CTNNA2: variants seen among roughly 807,000 people sequenced by gnomAD.
CTNNA2 encodes catenin alpha-2.
CTNNA2 carries 42 observed loss-of-function variants against 101.0 expected under a neutral mutation model. That is an observed-to-expected ratio of 0.42 (90% CI 0.32 to 0.54). CTNNA2 has a LOEUF of 0.54. CTNNA2 is among the 20% of genes least tolerant of loss of function. CTNNA2 has a pLI of 0.14. For synonymous variants in CTNNA2, 450 were observed against 456.4 expected (o/e 0.99, Z 0.18); for missense variants, 871 against 1,223.1 (o/e 0.71, Z 4.29).
At chr2:80,261,148 T>C (rs1162456202) in intron 7 of CTNNA2, among the ~76,000 whole-genome samples, 1 of 152,174 alleles carries the variant, frequency 6.6e-6, no homozygotes, top group East Asian at 1.9e-4. Context: ...TGCTTCCCGG[T>C]TCATACATAA....
intron 4 of CTNNA2, among the ~76,000 whole-genome samples, chr2:79,489,069 C>G (rs903924982): frequency 6.6e-6 from 1 of 152,112 alleles, no homozygotes; most frequent in Admixed American, 6.6e-5. Context: ...ACTTTCGGCT[C>G]TCTTTGTATT....
At chr2:79,271,971 C>T (rs1335143540) in intron 2 of CTNNA2, among the ~76,000 whole-genome samples, 2 of 152,014 alleles carry the variant, frequency 1.3e-5, no homozygotes, top group Admixed American at 6.6e-5. Flanking sequence ...ATCAAAACTG[C>T]CCTGAACCCA....
At chr2:79,317,504 A>G (rs1226557397) in intron 3 of CTNNA2, among the ~76,000 whole-genome samples, 1 of 152,028 alleles carries the variant, frequency 6.6e-6, no homozygotes, top group Non-Finnish European at 1.5e-5. Flanking sequence ...AAAGCCAAAG[A>G]CTTACATACT....
intron 13 of CTNNA2, among the ~76,000 whole-genome samples, chr2:80,575,798 A>G (rs1694991583): frequency 6.6e-6 from 1 of 152,172 alleles, no homozygotes; most frequent in Non-Finnish European, 1.5e-5. Context: ...ATACACACAC[A>G]CAATTTTAGA....
At chr2:80,389,328 TA>T (rs55752102) in intron 7 of CTNNA2, among the ~76,000 whole-genome samples, 24,633 of 151,414 alleles carry the variant, frequency 0.16, 2,392 homozygotes, top group African/African-American at 0.28. Context: ...CTCAGACTTT[TA>T]AAAAAAAATG....
intron 7 of CTNNA2, chr2:80,305,221 A>T: frequency 4.3e-5 from 42 of 985,348 alleles, no homozygotes; most frequent in Non-Finnish European, 4.8e-5. Flanking sequence ...TTCTGCAGTC[A>T]GCCAGCCCTT....
chr2:79,966,709 CA>C (rs1370118704), intron 7 of CTNNA2, among the ~76,000 whole-genome samples: 1 of 152,206 alleles, frequency 6.6e-6, no homozygotes, highest in Non-Finnish European at 1.5e-5. Flanking sequence ...TTGCTCTTTT[CA>C]AAGCATCAGT....
chr2:80,517,468 G>A (rs1689191977), intron 9 of CTNNA2, among the ~76,000 whole-genome samples: 1 of 152,052 alleles, frequency 6.6e-6, no homozygotes, highest in Non-Finnish European at 1.5e-5. Context: ...GTTGCCCTGG[G>A]GCCCAGCTGT....
chr2:79,699,144 G>A lies in CTNNA2; in HGVS notation c.103-45243G>A, dbSNP rs1422649318. On this transcript the variant is annotated intron_variant, in intron 2 of 18. Coordinates refer to ENST00000402739, the MANE Select transcript of CTNNA2 (RefSeq NM_001282597.3). ...AGCCACCTTTCCCATATGCCTGTAG[G>A]ACATACTGACAAGCTAGTTTTCATA... Among the ~76,000 whole-genome samples, 3 of 152,008 alleles carry A rather than the reference G, an allele frequency of 2.0e-5. No individual in the cohort carries two copies. The East Asian group carries it at 5.8e-4, about 29-fold the overall frequency.
intron 3 of CTNNA2, among the ~76,000 whole-genome samples, chr2:79,801,403 G>A (rs1574002738): frequency 6.6e-6 from 1 of 152,180 alleles, no homozygotes; most frequent in Non-Finnish European, 1.5e-5. Flanking sequence ...GATCGTTTAT[G>A]TGCTAATTAA....
chr2:79,314,234 G>A (rs1216860618), intron 3 of CTNNA2, among the ~76,000 whole-genome samples: 1 of 152,080 alleles, frequency 6.6e-6, no homozygotes, highest in East Asian at 1.9e-4. Flanking sequence ...CTTTAGTACT[G>A]CAGCATTCCC....
At position 79,387,014 on chromosome 2, in the gene CTNNA2, C is replaced by T. The variant is rs76211225; in HGVS notation, c.-135+13001C>T. ...TAAATAGAATGCTAGAGTCAGAAATCCAGCTGCTGTACTATCACAGCCACC... is the reference window on the plus strand; with the variant it reads ...TAAATAGAATGCTAGAGTCAGAAATTCAGCTGCTGTACTATCACAGCCACC... On this transcript the variant is annotated intron_variant, in intron 4 of 21. Coordinates refer to the CTNNA2 transcript ENST00000466387. Among the ~76,000 whole-genome samples, 1,393 of 152,286 alleles carry T rather than the reference C, an allele frequency of 9.1e-3. 7 individuals are homozygous for T. Among genetic ancestry groups the T allele is most frequent in the Non-Finnish European group, 0.015 (1,035 of 68,028 alleles).
intron 7 of CTNNA2, among the ~76,000 whole-genome samples, chr2:80,185,851 A>G (rs1356371350): frequency 6.6e-6 from 1 of 152,148 alleles, no homozygotes; most frequent in African/African-American, 2.4e-5. Flanking sequence ...TTTGCATCTT[A>G]TTAGATTGAC....
intron 8 of CTNNA2, among the ~76,000 whole-genome samples, chr2:80,407,563 T>A (rs1272956990): frequency 1.3e-5 from 2 of 152,218 alleles, no homozygotes; most frequent in African/African-American, 4.8e-5. Flanking sequence ...GGACAAAATC[T>A]ATGTTACCTG....
intron 7 of CTNNA2, among the ~76,000 whole-genome samples, chr2:79,929,251 C>A (rs766380258): frequency 6.6e-6 from 1 of 151,906 alleles, no homozygotes; most frequent in African/African-American, 2.4e-5. Flanking sequence ...CAGAGAGTAA[C>A]CAGACAGGTA....
intron 6 of CTNNA2, among the ~76,000 whole-genome samples, chr2:79,908,574 T>C (rs1685577709): frequency 6.6e-6 from 1 of 152,204 alleles, no homozygotes; most frequent in Non-Finnish European, 1.5e-5. Context: ...CCTTTGCTTC[T>C]AGACTTCACA....
At position 79,930,270 on chromosome 2, in the gene CTNNA2, GAA is replaced by G. The variant is rs1407836272; in HGVS notation, c.1056+20475_1056+20476del. On this transcript the variant is annotated intron_variant, in intron 7 of 18. Coordinates refer to ENST00000402739, the MANE Select transcript of CTNNA2 (RefSeq NM_001282597.3). The stretch of plus-strand genomic sequence containing the variant: ...AGAAAGAAAGAAAGAAAGAAAGAAA[GAA>G]AGAAAGAGAGAGAGAGAGAAAGAGA... 6.0e-3 allele frequency among the ~76,000 whole-genome samples: 91 copies of G among 15,098 alleles called. 1 individual carries two copies. The highest frequency in any genetic ancestry group is 8.5e-3 in the African/African-American group (66 of 7,804). The allele number at this position is 15,098 out of a possible 152,430, so 9.9% of individuals were successfully genotyped here.
At chr2:79,708,680 G>T (rs1573747996) in intron 2 of CTNNA2, among the ~76,000 whole-genome samples, 1 of 129,838 alleles carries the variant, frequency 7.7e-6, no homozygotes, top group South Asian at 2.6e-4. Context: ...TAATTTAGGA[G>T]AACTCAATAA....
intron 3 of CTNNA2, among the ~76,000 whole-genome samples, chr2:79,784,102 A>G (rs1255886354): frequency 2.0e-5 from 3 of 152,214 alleles, no homozygotes; most frequent in African/African-American, 7.2e-5. Flanking sequence ...CTTAGCAAAC[A>G]GTAGGCTGAT....
Sources: allele counts gnomAD v4.1 joint callset (sites outside exome capture counted in the v4.1 genomes callset), GRCh38; gene constraint gnomAD v4.1.1; transcripts MANE v1.5; gene names NCBI Gene and HGNC (gene_info 2026-07-23, HGNC 2026-07-21).